SPTB: variants seen among roughly 807,000 people sequenced by gnomAD.
SPTB encodes spectrin beta chain, erythrocytic.
SPTB carries 45 observed loss-of-function variants against 256.2 expected under a neutral mutation model. The ratio of observed to expected loss-of-function variants is 0.18; its 90% CI spans 0.14 to 0.23. The LOEUF is 0.23. Among genes scored for constraint, SPTB ranks in the 10% least tolerant of loss-of-function variants. The pLI is 1.00. For missense variants in SPTB, 2,715 were observed against 3,040.4 expected, an observed-to-expected ratio of 0.89 and a Z score of 2.52; for synonymous variants, 1,231 against 1,243.1, an observed-to-expected ratio of 0.99 and a Z score of 0.21.
intron 1 of SPTB, among the ~76,000 whole-genome samples, chr14:64,862,702 C>T (rs1198662038): frequency 3.3e-5 from 5 of 151,788 alleles, no homozygotes; most frequent in Non-Finnish European, 4.4e-5. Context: ...GGTGAAACCC[C>T]GTCTCTACTA....
chr14:64,868,033 A>T (rs556764766), intron 1 of SPTB, among the ~76,000 whole-genome samples: 2 of 152,290 alleles, frequency 1.3e-5, no homozygotes, highest in East Asian at 1.9e-4. Context: ...CTAGGAAGAG[A>T]GGTCGGAACA....
rs1311667304 is a variant in SPTB, at chr14:64,759,451, A to G, written c.6346-5658T>C. On this transcript the variant is annotated intron_variant, in intron 32 of 35. Transcript: ENST00000644917. The surrounding 1 kb of genome is among the most constrained non-coding windows in gnomAD (Gnocchi z 4.8). The stretch of plus-strand genomic sequence containing the variant: ...CAGGCTAGCAGCATGGTTTGGCAGG[A>G]GGACCCACCTCCCCTGAGCCTCAAG... Among the ~76,000 whole-genome samples the G allele has an allele frequency of 6.6e-6, 1 of 152,176 alleles. No individual in the cohort carries two copies. Among genetic ancestry groups the G allele is most frequent in the Non-Finnish European group, 1.5e-5 (1 of 68,018 alleles).
Position 64,749,735 on chromosome 14 carries a change from T to G in SPTB, c.6777-39A>C, listed in dbSNP as rs1566729982. The stretch of plus-strand genomic sequence containing the variant: ...GGGTTTCCTGTCATGGAGACACCTC[T>G]GGAGGGGGCGCTGGGCAGAGGGCTG... On this transcript the variant is annotated intron_variant, in intron 34 of 35. Coordinates refer to ENST00000644917, the MANE Select transcript of SPTB (RefSeq NM_001355436.2). This position sits in a 1 kb window ranked among gnomAD's most constrained non-coding sequence, Gnocchi z 4.7. 1.9e-6 allele frequency: 3 copies of G among 1,608,560 alleles called. No individual in the cohort carries two copies. The highest frequency in any genetic ancestry group is 1.7e-4 in the Middle Eastern group (1 of 6,056).
At chr14:64,794,751 C>A in intron 12 of SPTB, 134 bp from the exon 13 acceptor site, 1 of 1,173,358 alleles carries the variant, frequency 8.5e-7, no homozygotes. Flanking sequence ...AAAAGGGCTG[C>A]TGCTGAGGAT....
At chr14:64,791,877 T>C (rs1271817169) in intron 14 of SPTB, 21 bp from the exon 15 acceptor site, 1 of 1,613,946 alleles carries the variant, frequency 6.2e-7, no homozygotes, top group South Asian at 1.1e-5. Flanking sequence ...CAAAGGAAAA[T>C]ATGAGGATGG....
intron 1 of SPTB, among the ~76,000 whole-genome samples, chr14:64,863,506 C>T (rs77996591): frequency 0.025 from 3,764 of 152,268 alleles, 90 homozygotes; most frequent in Non-Finnish European, 0.04. Context: ...ACAAACCTCT[C>T]AAGAGCAGAG....
intron 33 of SPTB, among the ~76,000 whole-genome samples, chr14:64,751,600 T>C (rs747309220): frequency 2.6e-5 from 4 of 152,162 alleles, no homozygotes; most frequent in Non-Finnish European, 4.4e-5. Flanking sequence ...AGTACACTTA[T>C]AGAACTATTA....
Position 64,759,245 on chromosome 14 carries a change from T to C in SPTB, c.6346-5452A>G, listed in dbSNP as rs890447776. ...TGGTGTGGGAAGGCAGGGAGCCAAGTAGCTAGGCAGGGAGCCAAGTAGCTG... is the reference window on the plus strand; with the variant it reads ...TGGTGTGGGAAGGCAGGGAGCCAAGCAGCTAGGCAGGGAGCCAAGTAGCTG... On this transcript the variant is annotated intron_variant, in intron 32 of 35. Coordinates refer to ENST00000644917, the MANE Select transcript of SPTB (RefSeq NM_001355436.2). The surrounding 1 kb of genome is among the most constrained non-coding windows in gnomAD (Gnocchi z 4.8). 8.3e-5 allele frequency among the ~76,000 whole-genome samples: 9 copies of C among 109,076 alleles called. No individual in the cohort carries two copies. The highest frequency in any genetic ancestry group is 6.7e-4 in the Admixed American group (8 of 11,942). The allele number at this position is 109,076 out of a possible 152,430, so 71.6% of individuals were successfully genotyped here. A position where few individuals can be genotyped will look rare whatever the true frequency, so the allele number is the denominator to read the frequency against.
rs761418574 is a variant in SPTB at position 64,749,260 on chromosome 14, C to T, written c.*46G>A. Reference sequence around the variant, plus strand: ...AGAGGAGGCCAAGGCCTGGGCTGCCCGGTCTCTGCGCGTCCCGACTCCGCC... The same window carrying T: ...AGAGGAGGCCAAGGCCTGGGCTGCCTGGTCTCTGCGCGTCCCGACTCCGCC... On this transcript the variant is annotated 3_prime_UTR_variant, in exon 36 of 36. Coordinates refer to ENST00000644917, the MANE Select transcript of SPTB (RefSeq NM_001355436.2). The surrounding 1 kb of genome is among the most constrained non-coding windows in gnomAD (Gnocchi z 4.7). 4.5e-6 allele frequency: 7 copies of T among 1,539,686 alleles called. No individual in the cohort carries two copies. The highest frequency in any genetic ancestry group is 3.6e-5 in the South Asian group (3 of 84,400).
intron 1 of SPTB, among the ~76,000 whole-genome samples, chr14:64,868,826 T>C (rs1882348985): frequency 6.6e-6 from 1 of 152,200 alleles, no homozygotes; most frequent in Admixed American, 6.5e-5. Context: ...AGTGGGTATA[T>C]TGTGCAGTAC....
At position 64,775,283 on chromosome 14, in the gene SPTB, G is replaced by A. The variant is rs1566748826; in HGVS notation, c.4684C>T (p.Leu1562=). The change falls in exon 23 of 36, where the codon CTG becomes TTG. Residue 1562 remains leucine, a synonymous_variant. Coordinates refer to ENST00000644917, the MANE Select transcript of SPTB (RefSeq NM_001355436.2). The surrounding 1 kb of genome is among the most constrained non-coding windows in gnomAD (Gnocchi z 5.0). The part of the protein sequence containing the change: ...CQDLEERLGH[L]QSSWDRLREA... ...CGCAGCCTGTCCCAGGAGCTCTGCAGGTGCCCCAGGCGCTCCTCAAGGTCC... is the reference window on the plus strand; with the variant it reads ...CGCAGCCTGTCCCAGGAGCTCTGCAAGTGCCCCAGGCGCTCCTCAAGGTCC... 6.2e-7 allele frequency: 1 copy of A among 1,613,586 alleles called. No homozygotes were observed. Among genetic ancestry groups the A allele is most frequent in the South Asian group, 1.1e-5 (1 of 91,062 alleles).
chr14:64,809,244 A>G (rs1187016273), intron 2 of SPTB, among the ~76,000 whole-genome samples: 1 of 137,824 alleles, frequency 7.3e-6, no homozygotes, highest in African/African-American at 2.7e-5. Context: ...CCTGGGCAAC[A>G]ACAGCGAAAC....
Position 64,746,807 on chromosome 14 carries a change from G to A in SPTB, c.*2499C>T, listed in dbSNP as rs1283426884. On this transcript the variant is annotated 3_prime_UTR_variant, in exon 36 of 36. Transcript: ENST00000644917. The surrounding 1 kb of genome is among the most constrained non-coding windows in gnomAD (Gnocchi z 4.9). ...GCTTCCTCTAAACTGCCCTGGGAAGGAAGCCTGGTATGCTGGTGTGGACTG... is the reference window on the plus strand; with the variant it reads ...GCTTCCTCTAAACTGCCCTGGGAAGAAAGCCTGGTATGCTGGTGTGGACTG... 6.6e-6 allele frequency: 1 copy of A among 152,616 alleles called. No individual in the cohort carries two copies. The highest frequency in any genetic ancestry group is 1.5e-5 in the Non-Finnish European group (1 of 68,140). The allele number at this position is 152,616 out of a possible 1,614,324, so 9.5% of individuals were successfully genotyped here.
At chr14:64,780,217 A>C (rs777586500) in intron 20 of SPTB, among the ~76,000 whole-genome samples, 21 of 152,236 alleles carry the variant, frequency 1.4e-4, no homozygotes, top group Non-Finnish European at 2.5e-4. Context: ...GTTAAGAGGA[A>C]GAGTAGGACT....
intron 32 of SPTB, among the ~76,000 whole-genome samples, chr14:64,765,839 G>A (rs1220340119): frequency 6.9e-6 from 1 of 145,060 alleles, no homozygotes; most frequent in Non-Finnish European, 1.5e-5. Context: ...TGTGTGTGGG[G>A]GTGTGGTGTG....
At position 64,764,040 on chromosome 14, in the gene SPTB, A is replaced by G. The variant is rs1027364738; in HGVS notation, c.6345+2686T>C. Reference sequence around the variant, plus strand: ...CATGCACAGTGAGGGATTGTACATGAAGCAACACCGCATGGATCTATTCTG... The same window carrying G: ...CATGCACAGTGAGGGATTGTACATGGAGCAACACCGCATGGATCTATTCTG... On this transcript the variant is annotated intron_variant, in intron 32 of 35. Coordinates refer to ENST00000644917, the MANE Select transcript of SPTB (RefSeq NM_001355436.2). This position sits in a 1 kb window ranked among gnomAD's most constrained non-coding sequence, Gnocchi z 4.2. Among the ~76,000 whole-genome samples the G allele has an allele frequency of 6.6e-6, 1 of 152,156 alleles. No homozygotes were observed. The highest frequency in any genetic ancestry group is 6.5e-5 in the Admixed American group (1 of 15,280).
Position 64,769,011 on chromosome 14 carries a change from C to T in SPTB, c.6022+23G>A, listed in dbSNP as rs200214986. On this transcript the variant is annotated intron_variant, in intron 29 of 35. Transcript: ENST00000644917. ...TGCGGGGGTACTCCTGCCCCTGGGC[C>T]CTGGCTCCAGGGCTGTACTCACACA... The T allele has an allele frequency of 4.4e-5, 70 of 1,604,700 alleles. No homozygotes were observed. The Admixed American group carries it at 4.8e-4, about 11-fold the overall frequency.
chr14:64,781,333 G>A lies in SPTB; in HGVS notation c.4266+957C>T, dbSNP rs148840339. Among the ~76,000 whole-genome samples, 377 of 152,256 alleles carry A rather than the reference G, an allele frequency of 2.5e-3. 1 individual carries two copies. Among genetic ancestry groups the A allele is most frequent in the African/African-American group, 8.6e-3 (357 of 41,548 alleles). ...TTTGCAAACTATGAATCTGACAAGG[G>A]TCTAATATCCTGCATCTATAAGAAA... On this transcript the variant is annotated intron_variant, in intron 20 of 35. Coordinates refer to ENST00000644917, the MANE Select transcript of SPTB (RefSeq NM_001355436.2).
intron 6 of SPTB, 65 bp downstream of exon 6, chr14:64,801,689 A>G (rs2082889380): frequency 7.4e-6 from 11 of 1,485,826 alleles, no homozygotes; most frequent in Non-Finnish European, 1.0e-5. Flanking sequence ...GTTAAGTGCA[A>G]TGTGTCCAAA....
Sources: gnomAD v4.1 joint callset for allele counts (sites outside exome capture counted in the v4.1 genomes callset) on GRCh38, gnomAD v4.1.1 for gene constraint, Gnocchi (gnomAD v3.1) non-coding constraint, MANE v1.5 for transcripts, NCBI Gene and HGNC (gene_info 2026-07-23, HGNC 2026-07-21) for gene names.